The following SOX5 variants were observed in gnomAD, a reference collection of about 807,000 sequenced individuals.
SOX5 encodes the protein SRY-box transcription factor 5.
Under a neutral mutation model 92.0 loss-of-function variants are expected in SOX5, and 9 were observed. That is an observed-to-expected ratio of 0.10 (90% CI 0.06 to 0.17). The LOEUF (loss-of-function observed/expected upper bound fraction) is 0.17, where lower values mean the gene tolerates loss of function less well. SOX5 is among the 10% of genes least tolerant of loss of function. The pLI is 1.00. For synonymous variants in SOX5, 344 were observed against 336.3 expected (o/e 1.02, Z -0.25); for missense variants, 642 against 944.5 (o/e 0.68, Z 4.20).
At chr12:23,607,835 T>A (rs562591740) in intron 8 of SOX5, among the ~76,000 whole-genome samples, 41 of 152,276 alleles carry the variant, frequency 2.7e-4, no homozygotes, top group African/African-American at 9.4e-4. Flanking sequence ...CTGGTTAACA[T>A]CTTTCTTTAA....
chr12:24,293,884 A>G (rs993203328), intron 2 of SOX5, among the ~76,000 whole-genome samples: 2 of 152,182 alleles, frequency 1.3e-5, no homozygotes, highest in Admixed American at 1.3e-4. Flanking sequence ...TATCAAACCT[A>G]GTTTATATCT....
intron 4 of SOX5, among the ~76,000 whole-genome samples, chr12:23,744,350 C>T (rs2093909400): frequency 6.6e-6 from 1 of 152,088 alleles, no homozygotes. Flanking sequence ...CTAAGATTGT[C>T]CCCCAGCCCT....
intron 2 of SOX5, among the ~76,000 whole-genome samples, chr12:24,355,024 C>T (rs537374375): frequency 7.2e-5 from 11 of 151,926 alleles, no homozygotes; most frequent in South Asian, 2.1e-4. Flanking sequence ...ATTTTAAAAC[C>T]TCGTTAATGA....
intron 7 of SOX5, among the ~76,000 whole-genome samples, chr12:23,643,122 A>G (rs938821001): frequency 2.7e-5 from 4 of 150,082 alleles, no homozygotes; most frequent in Admixed American, 2.7e-4. Context: ...AATTATGGTC[A>G]GACTAGGATG....
chr12:23,629,295 C>T (rs1056378207), intron 8 of SOX5, among the ~76,000 whole-genome samples: 3 of 151,964 alleles, frequency 2.0e-5, no homozygotes, highest in African/African-American at 7.2e-5. Flanking sequence ...AATTTCTCTT[C>T]CTATCCTTTT....
At chr12:24,396,742 G>T (rs1432253797) in intron 1 of SOX5, among the ~76,000 whole-genome samples, 1 of 152,232 alleles carries the variant, frequency 6.6e-6, no homozygotes, top group African/African-American at 2.4e-5. Flanking sequence ...CGTTAACTAT[G>T]TGTGTAGAGT....
At chr12:23,915,615 T>C (rs1194440638) in intron 1 of SOX5, among the ~76,000 whole-genome samples, 1 of 152,080 alleles carries the variant, frequency 6.6e-6, no homozygotes, top group Non-Finnish European at 1.5e-5. Context: ...ATAGTCTTCC[T>C]ACTACCAACA....
intron 4 of SOX5, among the ~76,000 whole-genome samples, chr12:24,067,168 T>C (rs916905819): frequency 6.6e-6 from 1 of 152,174 alleles, no homozygotes; most frequent in Non-Finnish European, 1.5e-5. Context: ...GGTTTGTTTT[T>C]AAAATGAATG....
intron 4 of SOX5, among the ~76,000 whole-genome samples, chr12:23,989,439 TTGAC>T (rs1238441409): frequency 6.6e-6 from 1 of 151,932 alleles, no homozygotes; most frequent in Non-Finnish European, 1.5e-5. Context: ...TTTAGTATGA[TTGAC>T]TGTAGGATAT....
intron 6 of SOX5, among the ~76,000 whole-genome samples, chr12:23,685,247 A>C (rs766905367): frequency 6.6e-6 from 1 of 151,720 alleles, no homozygotes; most frequent in Admixed American, 6.6e-5. Context: ...TCTTCTTTCT[A>C]TTCTCCTGCT....
intron 1 of SOX5, among the ~76,000 whole-genome samples, chr12:24,443,246 C>A (rs1308464140): frequency 6.6e-6 from 1 of 152,198 alleles, no homozygotes; most frequent in Non-Finnish European, 1.5e-5. Context: ...AGCCACCACG[C>A]CCGGCCAGTT....
chr12:24,066,421 T>G (rs1940755304), intron 4 of SOX5, among the ~76,000 whole-genome samples: 2 of 152,166 alleles, frequency 1.3e-5, no homozygotes, highest in South Asian at 4.1e-4. Context: ...AAACTTAAAA[T>G]AGCTGTACAT....
At chr12:24,009,629 T>C (rs959903345) in intron 4 of SOX5, among the ~76,000 whole-genome samples, 1 of 152,170 alleles carries the variant, frequency 6.6e-6, no homozygotes, top group Admixed American at 6.6e-5. Flanking sequence ...GTTAAAAAGA[T>C]CAGAGTATTT....
intron 9 of SOX5, among the ~76,000 whole-genome samples, chr12:23,592,717 A>G (rs1951739039): frequency 6.6e-6 from 1 of 152,216 alleles, no homozygotes; most frequent in Non-Finnish European, 1.5e-5. Context: ...TGAAGATTTC[A>G]ATGAGCAAAA....
intron 2 of SOX5, among the ~76,000 whole-genome samples, chr12:23,862,406 C>G (rs923346766): frequency 3.3e-5 from 5 of 152,136 alleles, no homozygotes; most frequent in Non-Finnish European, 7.4e-5. Flanking sequence ...CGCCAGCACA[C>G]AAGTGGGCCA....
rs74438689 is a variant in SOX5 at position 24,319,702 on chromosome 12, A to G, written c.-173-42390T>C. ...ACTTGAATTCTGTTACTATTTTGCAAAACAAAATAGAGCTCTATGGTACGG... is the reference window on the plus strand; with the variant it reads ...ACTTGAATTCTGTTACTATTTTGCAGAACAAAATAGAGCTCTATGGTACGG... On this transcript the variant is annotated intron_variant, in intron 2 of 4. Coordinates refer to the SOX5 transcript ENST00000446891. Among the ~76,000 whole-genome samples, 663 of 152,296 alleles carry G rather than the reference A, an allele frequency of 4.4e-3. 26 individuals carry two copies. The South Asian group carries it at 0.066, about 15-fold the overall frequency.
chr12:24,190,800 A>C (rs1413139878), intron 4 of SOX5, among the ~76,000 whole-genome samples: 1 of 152,246 alleles, frequency 6.6e-6, no homozygotes, highest in Non-Finnish European at 1.5e-5. Flanking sequence ...ATCTTATGGG[A>C]TAAAATGTGC....
At chr12:24,153,015 A>G (rs993517078) in intron 4 of SOX5, among the ~76,000 whole-genome samples, 2 of 152,116 alleles carry the variant, frequency 1.3e-5, no homozygotes, top group South Asian at 2.1e-4. Context: ...CTCACGCCCT[A>G]TGTGGAGCAG....
intron 1 of SOX5, among the ~76,000 whole-genome samples, chr12:24,399,064 C>A (rs1473400170): frequency 6.6e-6 from 1 of 152,088 alleles, no homozygotes; most frequent in Admixed American, 6.6e-5. Context: ...GGACCCCCAC[C>A]AAAAACGGCC....
Sources: gnomAD v4.1 joint callset for allele counts (sites outside exome capture counted in the v4.1 genomes callset) on GRCh38, gnomAD v4.1.1 for gene constraint, MANE v1.5 for transcripts, NCBI Gene and HGNC (gene_info 2026-07-23, HGNC 2026-07-21) for gene names.